The following CRYBA4 variants were observed in gnomAD, a reference collection of about 807,000 sequenced individuals.
The protein encoded by CRYBA4 is crystallin beta A4, also known as beta-crystallin A4.
Under a neutral mutation model 31.7 loss-of-function variants are expected in CRYBA4, and 30 were observed. The ratio of observed to expected loss-of-function variants is 0.95; its 90% confidence interval spans 0.71 to 1.28. The LOEUF is 1.28. Ranked by LOEUF, CRYBA4 falls within the 50% of genes most tolerant of loss-of-function variation. CRYBA4 has a pLI of 0.00. For missense variants in CRYBA4, 225 were observed against 260.7 expected, an observed-to-expected ratio of 0.86 and a Z score of 0.94; for synonymous variants, 102 against 102.3, an observed-to-expected ratio of 1.00 and a Z score of 0.02.
the CRYBA4 span, among the ~76,000 whole-genome samples, chr22:26,611,472 T>G: frequency 4.7e-5 from 7 of 148,918 alleles, no homozygotes; most frequent in Non-Finnish European, 9.0e-5. Flanking sequence ...TTTTTTTGTT[T>G]TTTTTTTTTT....
the CRYBA4 span, among the ~76,000 whole-genome samples, chr22:26,595,959 G>T: frequency 6.9e-6 from 1 of 144,852 alleles, no homozygotes; most frequent in African/African-American, 2.6e-5. Context: ...TTTTGTAGAG[G>T]TAAGGTCTCA....
At chr22:26,607,019 C>CTTTTT in the CRYBA4 span, among the ~76,000 whole-genome samples, 6 of 111,962 alleles carry the variant, frequency 5.4e-5, no homozygotes, top group Non-Finnish European at 8.7e-5. Flanking sequence ...TATCCCTCTC[C>CTTTTT]TTTTTTTTTT....
At chr22:26,592,713 C>T in the CRYBA4 span, among the ~76,000 whole-genome samples, 6 of 152,244 alleles carry the variant, frequency 3.9e-5, no homozygotes, top group African/African-American at 1.4e-4. Flanking sequence ...AGGTGTTCAA[C>T]AGGGGAAGGG....
the CRYBA4 span, chr22:26,612,262 A>C: frequency 9.9e-7 from 1 of 1,013,498 alleles, no homozygotes; most frequent in Non-Finnish European, 1.6e-6. Flanking sequence ...TATCTACATA[A>C]ATAAAAGCCA....
chr22:26,617,733 G>T (rs575505376), upstream of CRYBA4, among the ~76,000 whole-genome samples: 1 of 151,438 alleles, frequency 6.6e-6, no homozygotes, highest in South Asian at 2.1e-4. Context: ...CTCCCTCATT[G>T]TATCTTTGCT....
the CRYBA4 span, among the ~76,000 whole-genome samples, chr22:26,605,032 T>A: frequency 4.6e-5 from 7 of 152,122 alleles, no homozygotes; most frequent in African/African-American, 1.7e-4. Flanking sequence ...GTCCCACCAG[T>A]CCATCGTTGC....
the CRYBA4 span, among the ~76,000 whole-genome samples, chr22:26,593,515 T>C: frequency 1.3e-5 from 2 of 151,926 alleles, no homozygotes; most frequent in South Asian, 4.1e-4. Context: ...ACCATTTTAT[T>C]TATTTTTATT....
chr22:26,608,361 A>T, the CRYBA4 span, among the ~76,000 whole-genome samples: 2 of 152,242 alleles, frequency 1.3e-5, no homozygotes, highest in African/African-American at 4.8e-5. Context: ...AAGTACTATC[A>T]GGACTTGGAG....
chr22:26,628,355 G>A lies in CRYBA4; in HGVS notation c.368G>A (p.Ser123Asn), dbSNP rs148968442. Residue 123 changes from serine to asparagine, a missense_variant, in exon 5 of 6, where the codon AGC becomes AAC. Ser to Asn is a conservative substitution (Grantham distance 46, BLOSUM62 1). Transcript: ENST00000354760. Reference protein sequence around the residue: ...ENFLGKKGELSDDYPSLQAMG... With the variant: ...ENFLGKKGELNDDYPSLQAMG... ...TTCCTGGGCAAGAAAGGAGAGCTGA[G>A]CGATGACTATCCTTCCCTCCAGGCC... 3.8e-5 allele frequency: 61 copies of A among 1,613,956 alleles called. No homozygotes were observed. The highest frequency in any genetic ancestry group is 4.7e-5 in the Non-Finnish European group (55 of 1,180,018).
rs139019048 is a variant in CRYBA4 at position 26,630,442 on chromosome 22, T to C, written c.546T>C (p.His182=). 1.2e-6 allele frequency: 2 copies of C among 1,613,826 alleles called. No homozygotes were observed. Among genetic ancestry groups the C allele is most frequent in the Non-Finnish European group, 1.7e-6 (2 of 1,179,750 alleles). Residue 182 remains histidine (H), a synonymous_variant, in exon 6 of 6, where the codon CAT becomes CAC. Coordinates refer to ENST00000354760, the MANE Select transcript of CRYBA4 (RefSeq NM_001886.3). The part of the protein sequence containing the change: ...DYKHFREWGS[H]APTFQVQSIR... Reference sequence around the variant, plus strand: ...AACATTTCCGGGAGTGGGGCTCTCATGCCCCGACCTTCCAGGTGCAGAGCA... The same window carrying C: ...AACATTTCCGGGAGTGGGGCTCTCACGCCCCGACCTTCCAGGTGCAGAGCA...
chr22:26,611,536 G>T, the CRYBA4 span, among the ~76,000 whole-genome samples: 3 of 150,490 alleles, frequency 2.0e-5, no homozygotes, highest in African/African-American at 7.3e-5. Context: ...CTGCAGTGGC[G>T]CAATCTCGGC....
At chr22:26,630,074 G>A (rs1023146609) in intron 5 of CRYBA4, among the ~76,000 whole-genome samples, 4 of 152,192 alleles carry the variant, frequency 2.6e-5, no homozygotes, top group Non-Finnish European at 5.9e-5. Context: ...TTTGGGGAAC[G>A]AGTCAGATTG....
chr22:26,593,881 T>C, the CRYBA4 span, among the ~76,000 whole-genome samples: 1 of 152,234 alleles, frequency 6.6e-6, no homozygotes, highest in Non-Finnish European at 1.5e-5. Flanking sequence ...ATAATTATTA[T>C]ATTCAAGCTG....
intron 4 of CRYBA4, 30 bp from the exon 5 acceptor site, chr22:26,628,258 C>T (rs1338155779): frequency 6.2e-7 from 1 of 1,613,668 alleles, no homozygotes; most frequent in South Asian, 1.1e-5. Context: ...TGGGAGCCTG[C>T]TGGTCTGACT....
chr22:26,625,750 T>G, intron 4 of CRYBA4, 128 bp downstream of exon 4: 1 of 882,194 alleles, frequency 1.1e-6, no homozygotes, highest in South Asian at 1.6e-5. Context: ...CTGTTCAGTC[T>G]CTTTCCTCTC....
chr22:26,628,609 G>T (rs1929823874), intron 5 of CRYBA4, among the ~76,000 whole-genome samples, 179 bp downstream of exon 5: 1 of 152,112 alleles, frequency 6.6e-6, no homozygotes, highest in Non-Finnish European at 1.5e-5. Context: ...AGATCAAACT[G>T]GTTTGAGCCC....
Position 26,625,612 on chromosome 22 carries a change from C to T in CRYBA4, c.290C>T (p.Ala97Val), listed in dbSNP as rs150525825. The T allele has an allele frequency of 1.6e-4, 254 of 1,613,704 alleles. 2 individuals are homozygous for T. The South Asian group carries it at 1.6e-3, about 10-fold the overall frequency. ...GAGAGGCTCACCTCCTTCCGGCCTGCGGCCTGTGCTGTAAGTTCTACCACT... is the reference window on the plus strand; with the variant it reads ...GAGAGGCTCACCTCCTTCCGGCCTGTGGCCTGTGCTGTAAGTTCTACCACT... ...PAERLTSFRP[A>V]ACANHRDSRL... The change falls in exon 4 of 6, where the codon GCG becomes GTG. Residue 97 changes from alanine (A) to valine (V), a missense_variant. Transcript: ENST00000354760.
At chr22:26,612,063 A>G in the CRYBA4 span, 1 of 1,599,932 alleles carries the variant, frequency 6.3e-7, no homozygotes, top group Non-Finnish European at 8.6e-7. Context: ...TCCGCCGCCC[A>G]GTACTCACGG....
intron 3 of CRYBA4, among the ~76,000 whole-genome samples, chr22:26,624,835 G>A (rs984160278): frequency 6.6e-6 from 1 of 152,242 alleles, no homozygotes; most frequent in African/African-American, 2.4e-5. Flanking sequence ...TGGCTGAAGA[G>A]CTGCTTCCAT....
Sources: gnomAD v4.1 joint callset for allele counts (sites outside exome capture counted in the v4.1 genomes callset) on GRCh38, gnomAD v4.1.1 for gene constraint, MANE v1.5 for transcripts, NCBI Gene and HGNC (gene_info 2026-07-23, HGNC 2026-07-21) for gene names.